The following LMTK2 variants were observed in gnomAD, a reference collection of about 807,000 sequenced individuals.
LMTK2 encodes serine/threonine-protein kinase LMTK2.
In LMTK2, 37 loss-of-function variants were observed where a neutral mutation model predicts 127.5. The ratio of observed to expected loss-of-function variants is 0.29; its 90% confidence interval spans 0.22 to 0.38. The LOEUF is 0.38. Among genes scored for constraint, LMTK2 ranks in the 10% least tolerant of loss-of-function variants. The pLI, the probability that LMTK2 is intolerant of heterozygous loss-of-function variation, is 1.00. For synonymous variants in LMTK2, 819 were observed against 810.1 expected, an observed-to-expected ratio of 1.01 and a Z score of -0.19; for missense variants, 1,694 against 1,920.3, an observed-to-expected ratio of 0.88 and a Z score of 2.20.
At chr7:98,162,340 A>T (rs1395344108) in intron 6 of LMTK2, among the ~76,000 whole-genome samples, 1 of 152,230 alleles carries the variant, frequency 6.6e-6, no homozygotes, top group Non-Finnish European at 1.5e-5. Context: ...AAAATATAAG[A>T]AATACATCTG....
In LMTK2 at chr7:98,193,304, G is replaced by A. The variant is rs763360610; in HGVS notation, c.2839G>A (p.Val947Met). 5.6e-6 allele frequency: 9 copies of A among 1,614,012 alleles called. No homozygotes were observed. The highest frequency in any genetic ancestry group is 7.6e-6 in the Non-Finnish European group (9 of 1,180,028). The change falls in exon 11 of 14, where the codon GTG (valine) becomes ATG (methionine). Residue 947 changes from valine (V) to methionine (M), a missense_variant. Around this residue, in one of 8 missense-constraint regions of LMTK2, gnomAD observed 527 missense variants for 539.8 expected, o/e 0.98. Transcript: ENST00000297293. This position sits in a 1 kb window ranked among gnomAD's most constrained non-coding sequence, Gnocchi z 4.1. The part of the protein sequence containing the change: ...HRRLEKNLEA[V>M]ETLNQLNSKD... ...CCGGCTAGAGAAAAACTTAGAGGCTGTGGAGACTTTAAATCAGCTCAATTC... is the reference window on the plus strand; with the variant it reads ...CCGGCTAGAGAAAAACTTAGAGGCTATGGAGACTTTAAATCAGCTCAATTC...
chr7:98,140,104 T>G lies in LMTK2; in HGVS notation c.232-1293T>G, dbSNP rs1796656034. On this transcript the variant is annotated intron_variant, in intron 2 of 13. Coordinates refer to ENST00000297293, the MANE Select transcript of LMTK2 (RefSeq NM_014916.4). ...TTTCTTTCTTTCTTTCTTTCTTTCTTTCTTTCTTTCTTTCTTTCTTTCTTT... is the reference window on the plus strand; with the variant it reads ...TTTCTTTCTTTCTTTCTTTCTTTCTGTCTTTCTTTCTTTCTTTCTTTCTTT... Among the ~76,000 whole-genome samples, 2 of 2,688 alleles carry G rather than the reference T, an allele frequency of 7.4e-4. 1 individual carries two copies. The highest frequency in any genetic ancestry group is 0.059 in the South Asian group (2 of 34). The allele number at this position is 2,688 out of a possible 152,430, so 1.8% of individuals were successfully genotyped here.
chr7:98,199,548 G>A (rs530534828), intron 11 of LMTK2, among the ~76,000 whole-genome samples: 8 of 152,336 alleles, frequency 5.3e-5, no homozygotes, highest in Admixed American at 6.5e-5. Flanking sequence ...AGGCTGGAGT[G>A]CAGTGGTATG....
intron 1 of LMTK2, among the ~76,000 whole-genome samples, chr7:98,118,333 GA>G (rs1406346503): frequency 3.9e-5 from 6 of 152,238 alleles, no homozygotes; most frequent in African/African-American, 1.2e-4. Flanking sequence ...GAATATGAAC[GA>G]AACCTCTTTG....
At chr7:98,182,880 C>A (rs1797375322) in intron 7 of LMTK2, among the ~76,000 whole-genome samples, 1 of 152,218 alleles carries the variant, frequency 6.6e-6, no homozygotes, top group South Asian at 2.1e-4. Flanking sequence ...TGAATGAACT[C>A]ATCCTCTCAG....
At chr7:98,108,856 CT>C (rs11345679) in intron 1 of LMTK2, among the ~76,000 whole-genome samples, 29,813 of 100,026 alleles carry the variant, frequency 0.3, 2,625 homozygotes, top group Middle Eastern at 0.44. Context: ...TGCCTGCACA[CT>C]TTTTTTTTTT....
rs755250884 is a variant in LMTK2, at chr7:98,192,494, A to G, written c.2029A>G (p.Lys677Glu). 1 of 1,611,970 alleles carries G rather than the reference A, an allele frequency of 6.2e-7. No individual in the cohort carries two copies. Among genetic ancestry groups the G allele is most frequent in the Non-Finnish European group, 8.5e-7 (1 of 1,179,510 alleles). ...ATLSSSLDNPKESVITGHFEK... is the reference protein window; with the variant it reads ...ATLSSSLDNPEESVITGHFEK... Reference sequence around the variant, plus strand: ...TTTAAGTTCCAGTTTGGATAACCCCAAAGAGTCAGTCATAACAGGCCACTT... The same window carrying G: ...TTTAAGTTCCAGTTTGGATAACCCCGAAGAGTCAGTCATAACAGGCCACTT... Residue 677 changes from lysine (K) to glutamate (E), a missense_variant, in exon 11 of 14, where the codon AAA (lysine) becomes GAA (glutamate). This residue lies in a region of LMTK2 where 527 missense variants were observed against 539.8 expected (regional missense o/e 0.98). Coordinates refer to ENST00000297293, the MANE Select transcript of LMTK2 (RefSeq NM_014916.4).
At position 98,194,619 on chromosome 7, in the gene LMTK2, T is replaced by C; in HGVS notation, c.4107+47T>C. Reference sequence around the variant, plus strand: ...TTTTCTATACACATCCATATAAGGATTCCAAAATGTGCTAGGAAATTGAGT... The same window carrying C: ...TTTTCTATACACATCCATATAAGGACTCCAAAATGTGCTAGGAAATTGAGT... On this transcript the variant is annotated intron_variant, in intron 11 of 13. Transcript: ENST00000297293. This position sits in a 1 kb window ranked among gnomAD's most constrained non-coding sequence, Gnocchi z 5.4. 3 of 1,481,870 alleles carry C rather than the reference T, an allele frequency of 2.0e-6. No homozygotes were observed. Among genetic ancestry groups the C allele is most frequent in the East Asian group, 2.3e-5 (1 of 43,772 alleles). 91.8% of individuals were successfully genotyped at this position (1,481,870 alleles called of 1,614,324 possible).
intron 3 of LMTK2, 136 bp from the exon 4 acceptor site, chr7:98,151,246 C>A (rs2272184): frequency 0.16 from 85,912 of 525,706 alleles, 7,971 homozygotes; most frequent in African/African-American, 0.31. Flanking sequence ...TGGCATGATT[C>A]GTTTAAAAGA....
chr7:98,140,110 CT>C (rs1796656630), intron 2 of LMTK2, among the ~76,000 whole-genome samples: 1 of 4,066 alleles, frequency 2.5e-4, no homozygotes, highest in African/African-American at 9.1e-4. Flanking sequence ...TTCTTTCTTT[CT>C]TTCTTTCTTT....
intron 1 of LMTK2, among the ~76,000 whole-genome samples, chr7:98,114,465 A>G (rs141060041): frequency 3.4e-4 from 52 of 152,142 alleles, no homozygotes; most frequent in African/African-American, 1.1e-3. Context: ...GGCTGGTCTC[A>G]AACTCCTGGA....
At chr7:98,114,680 C>T (rs377002533) in intron 1 of LMTK2, among the ~76,000 whole-genome samples, 4 of 152,112 alleles carry the variant, frequency 2.6e-5, no homozygotes, top group East Asian at 1.9e-4. Flanking sequence ...TCTGCTGCAG[C>T]GCATCTGTTG....
At chr7:98,191,012 A>G (rs555152166) in intron 10 of LMTK2, 135 bp downstream of exon 10, 550 of 841,578 alleles carry the variant, frequency 6.5e-4, no homozygotes, top group South Asian at 9.2e-4. Flanking sequence ...GAGCTGAACT[A>G]CTTAATGTGG....
intron 1 of LMTK2, among the ~76,000 whole-genome samples, chr7:98,130,416 T>C (rs1350898466): frequency 6.6e-6 from 1 of 152,196 alleles, no homozygotes; most frequent in African/African-American, 2.4e-5. Context: ...GCTGCTGTTA[T>C]ATGTGCACCT....
chr7:98,186,127 G>A (rs1261952978), intron 8 of LMTK2, among the ~76,000 whole-genome samples: 1 of 150,236 alleles, frequency 6.7e-6, no homozygotes, highest in African/African-American at 2.5e-5. Context: ...GCAGTGGCGC[G>A]ATCTCGGCTC....
chr7:98,154,908 C>A, intron 5 of LMTK2, 32 bp downstream of exon 5: 1 of 1,264,404 alleles, frequency 7.9e-7, no homozygotes, highest in Non-Finnish European at 1.2e-6. Context: ...TTCTGTAAGA[C>A]TAGTCTGTGG....
At chr7:98,155,442 A>C (rs2116394260) in intron 5 of LMTK2, among the ~76,000 whole-genome samples, 1 of 152,358 alleles carries the variant, frequency 6.6e-6, no homozygotes, top group South Asian at 2.1e-4. Flanking sequence ...TACAAATTTA[A>C]GAAATTGAGA....
intron 7 of LMTK2, among the ~76,000 whole-genome samples, chr7:98,173,158 G>A (rs1452644477): frequency 6.6e-6 from 1 of 152,202 alleles, no homozygotes; most frequent in Non-Finnish European, 1.5e-5. Flanking sequence ...CTAGAGGTGT[G>A]TGTGTCTTAA....
intron 7 of LMTK2, among the ~76,000 whole-genome samples, chr7:98,176,878 A>G (rs1484781111): frequency 6.6e-6 from 1 of 152,214 alleles, no homozygotes; most frequent in Admixed American, 6.5e-5. Context: ...AATGCTTCCC[A>G]CATGCCAGCT....
Sources: allele counts gnomAD v4.1 joint callset (sites outside exome capture counted in the v4.1 genomes callset), GRCh38; gene constraint gnomAD v4.1.1; regional missense constraint gnomAD v4.1.1; non-coding constraint Gnocchi (gnomAD v3.1); transcripts MANE v1.5; gene names NCBI Gene and HGNC (gene_info 2026-07-23, HGNC 2026-07-21).